UVRAG: variants seen among roughly 807,000 people sequenced by gnomAD.
UVRAG encodes UV radiation resistance-associated gene protein.
A neutral mutation model predicts 78.0 loss-of-function variants in UVRAG; 19 were observed. The ratio of observed to expected loss-of-function variants is 0.24; its 90% CI spans 0.17 to 0.36. UVRAG has a LOEUF of 0.36. Ranked by LOEUF, UVRAG falls within the 10% of genes least tolerant of loss-of-function variation. The pLI, the probability that UVRAG is intolerant of heterozygous loss-of-function variation, is 1.00. For missense variants in UVRAG, 740 were observed against 853.8 expected (o/e 0.87, Z 1.66); for synonymous variants, 323 against 324.6 (o/e 1.00, Z 0.05).
At chr11:75,978,034 T>C (rs1591086081) in intron 7 of UVRAG, among the ~76,000 whole-genome samples, 1 of 152,198 alleles carries the variant, frequency 6.6e-6, no homozygotes, top group African/African-American at 2.4e-5. Context: ...GTTTAGCGCT[T>C]CCTTCAGGAG....
chr11:76,117,648 C>G (rs1177598044), intron 14 of UVRAG, among the ~76,000 whole-genome samples: 1 of 152,076 alleles, frequency 6.6e-6, no homozygotes, highest in Admixed American at 6.5e-5. Context: ...TGAACTTATC[C>G]TCATAATCAC....
chr11:76,079,898 G>T (rs971169867), intron 13 of UVRAG, among the ~76,000 whole-genome samples: 3 of 152,160 alleles, frequency 2.0e-5, no homozygotes, highest in African/African-American at 7.2e-5. Context: ...TTCGTTTTCT[G>T]CTGCTATAAC....
At chr11:75,930,927 T>TTTTCTTTCTC (rs1555089488) in intron 6 of UVRAG, 6 of 117,404 alleles carry the variant, frequency 5.1e-5, no homozygotes, top group African/African-American at 1.9e-4. Context: ...AGTGTCGGGA[T>TTTTCTTTCTC]TTTCTTTCTT....
intron 12 of UVRAG, among the ~76,000 whole-genome samples, chr11:76,033,511 A>G (rs972244974): frequency 3.9e-5 from 6 of 152,282 alleles, no homozygotes; most frequent in Admixed American, 3.9e-4. Flanking sequence ...AATCACAGAA[A>G]CAAGACCATA....
intron 8 of UVRAG, among the ~76,000 whole-genome samples, chr11:75,990,451 G>T (rs979933622): frequency 6.6e-6 from 1 of 152,078 alleles, no homozygotes; most frequent in African/African-American, 2.4e-5. Flanking sequence ...AAGATGAAAT[G>T]GTCTCATAAA....
intron 6 of UVRAG, among the ~76,000 whole-genome samples, chr11:75,950,785 C>T (rs1382785156): frequency 1.3e-5 from 2 of 152,004 alleles, no homozygotes; most frequent in Non-Finnish European, 2.9e-5. Flanking sequence ...TTGATTTTTA[C>T]TTTTATAATG....
intron 12 of UVRAG, among the ~76,000 whole-genome samples, chr11:76,058,342 G>A (rs1951020083): frequency 6.6e-6 from 1 of 151,956 alleles, no homozygotes; most frequent in Admixed American, 6.6e-5. Context: ...ACCAGCCCGG[G>A]CAACATAGTG....
At chr11:76,125,774 A>G (rs1167047066) in intron 14 of UVRAG, among the ~76,000 whole-genome samples, 2 of 152,192 alleles carry the variant, frequency 1.3e-5, no homozygotes, top group African/African-American at 4.8e-5. Context: ...TGGAAGTTGT[A>G]AAAATATGCA....
chr11:75,879,357 A>C (rs1390618195), intron 3 of UVRAG, among the ~76,000 whole-genome samples: 1 of 152,106 alleles, frequency 6.6e-6, no homozygotes, highest in African/African-American at 2.4e-5. Context: ...GAAATTACTT[A>C]TTTTAATCTG....
chr11:75,949,697 A>G (rs1948647930), intron 6 of UVRAG, among the ~76,000 whole-genome samples: 1 of 141,738 alleles, frequency 7.1e-6, no homozygotes, highest in Non-Finnish European at 1.5e-5. Flanking sequence ...AAATACATAT[A>G]TATATATATA....
intron 12 of UVRAG, among the ~76,000 whole-genome samples, chr11:76,055,202 C>T (rs1446658056): frequency 6.6e-6 from 1 of 152,060 alleles, no homozygotes; most frequent in Non-Finnish European, 1.5e-5. Flanking sequence ...CATACACCAT[C>T]ATGCCTGGCT....
chr11:76,045,520 GA>G (rs1287134316), intron 12 of UVRAG, among the ~76,000 whole-genome samples: 1 of 152,114 alleles, frequency 6.6e-6, no homozygotes, highest in African/African-American at 2.4e-5. Flanking sequence ...AGTTTGTTGG[GA>G]TTTTTTTTAG....
intron 14 of UVRAG, among the ~76,000 whole-genome samples, chr11:76,119,907 T>C (rs182807950): frequency 6.6e-6 from 1 of 152,354 alleles, no homozygotes; most frequent in East Asian, 1.9e-4. Flanking sequence ...TTTTCTTCCA[T>C]AGTCTACTTG....
rs192841804 is a variant in UVRAG, at chr11:75,983,392, A to T, written c.705A>T (p.Lys235Asn). The change falls in exon 8 of 15, where the codon AAA (lysine) becomes AAT (asparagine). Residue 235 changes from lysine (K) to asparagine (N), a missense_variant. Coordinates refer to ENST00000356136, the MANE Select transcript of UVRAG (RefSeq NM_003369.4). ...RLTSTSNELK[K>N]KSECLQLKIL... ...CTGTGATTTTATTTATTTAGAAAAA[A>T]AAAAGTGAATGCCTGCAGTTAAAAA... The T allele has an allele frequency of 6.3e-7, 1 of 1,589,234 alleles. No homozygotes were observed. The highest frequency in any genetic ancestry group is 1.8e-5 in the Admixed American group (1 of 55,258).
chr11:76,007,590 C>CT lies in UVRAG; in HGVS notation c.969dup (p.Glu324Ter), dbSNP rs1565117082. 6.2e-7 allele frequency: 1 copy of CT among 1,613,876 alleles called. No homozygotes were observed. The highest frequency in any genetic ancestry group is 8.5e-7 in the Non-Finnish European group (1 of 1,179,958). ...ACAATTCGTTGCAGGCAGTTACTCT[C>CT]TGAGCTTTCCTACATTTACCCTATT... is the stretch of plus-strand genomic sequence containing the variant. On this transcript the variant is annotated frameshift_variant, in exon 10 of 15. Coordinates refer to ENST00000356136, the MANE Select transcript of UVRAG (RefSeq NM_003369.4). LOFTEE classifies it high-confidence loss of function.
At chr11:75,989,685 A>G (rs1026199163) in intron 8 of UVRAG, among the ~76,000 whole-genome samples, 16 of 152,220 alleles carry the variant, frequency 1.1e-4, no homozygotes, top group African/African-American at 3.6e-4. Flanking sequence ...AGACATGCTC[A>G]AATACTACCT....
chr11:75,881,513 C>A (rs1356614436), intron 4 of UVRAG, among the ~76,000 whole-genome samples: 1 of 152,160 alleles, frequency 6.6e-6, no homozygotes, highest in African/African-American at 2.4e-5. Context: ...AGAGGGGTGA[C>A]TTTGAATAGA....
Position 75,900,005 on chromosome 11 carries a change from A to G in UVRAG, c.507+11102A>G, listed in dbSNP as rs371375422. On this transcript the variant is annotated intron_variant, in intron 5 of 14. Transcript: ENST00000356136. Reference sequence around the variant, plus strand: ...ACCCTGCTGCTGCAGTGTGGTCCCCATTCTCTCTCTTCATTGAAGCCAGAG... The same window carrying G: ...ACCCTGCTGCTGCAGTGTGGTCCCCGTTCTCTCTCTTCATTGAAGCCAGAG... Among the ~76,000 whole-genome samples the G allele has an allele frequency of 2.5e-3, 378 of 152,318 alleles. 4 individuals are homozygous for G. Among genetic ancestry groups the G allele is most frequent in the African/African-American group, 8.7e-3 (360 of 41,562 alleles).
intron 13 of UVRAG, among the ~76,000 whole-genome samples, chr11:76,081,653 AC>A (rs563585438): frequency 5.9e-5 from 9 of 152,278 alleles, no homozygotes; most frequent in East Asian, 1.9e-4. Context: ...TTAAAAAAAA[AC>A]AATAATAAAC....
Sources: allele counts gnomAD v4.1 joint callset (sites outside exome capture counted in the v4.1 genomes callset), GRCh38; gene constraint gnomAD v4.1.1; transcripts MANE v1.5; gene names NCBI Gene and HGNC (gene_info 2026-07-23, HGNC 2026-07-21).